Variants in ST6GALNAC3 observed in about 807,000 individuals in gnomAD.
ST6GALNAC3 encodes the protein ST6 N-acetylgalactosaminide alpha-2,6-sialyltransferase 3.
ST6GALNAC3 carries 25 observed loss-of-function variants against 32.7 expected under a neutral mutation model. The ratio of observed to expected loss-of-function variants is 0.76; its 90% CI spans 0.56 to 1.07. The LOEUF is 1.07. Ranked by LOEUF, ST6GALNAC3 falls within the 50% of genes least tolerant of loss-of-function variation. The probability of loss-of-function intolerance (pLI) is 0.00; values close to 1 mark genes in which losing one functional copy is unlikely to be tolerated. For missense variants in ST6GALNAC3, 355 were observed against 382.4 expected, an observed-to-expected ratio of 0.93 and a Z score of 0.60; for synonymous variants, 129 against 133.1, an observed-to-expected ratio of 0.97 and a Z score of 0.21.
intron 3 of ST6GALNAC3, among the ~76,000 whole-genome samples, chr1:76,567,904 A>G (rs1271928506): frequency 6.6e-6 from 1 of 152,212 alleles, no homozygotes; most frequent in Non-Finnish European, 1.5e-5. Flanking sequence ...ATGCATATAT[A>G]TTTGCCCTGA....
chr1:76,229,924 C>T (rs1055814432), intron 1 of ST6GALNAC3, among the ~76,000 whole-genome samples: 33 of 152,166 alleles, frequency 2.2e-4, no homozygotes, highest in Admixed American at 2.2e-3. Flanking sequence ...GATCAATGGC[C>T]AACAGCTTTT....
At chr1:76,141,842 A>G (rs1436925300) in intron 1 of ST6GALNAC3, among the ~76,000 whole-genome samples, 3 of 152,174 alleles carry the variant, frequency 2.0e-5, no homozygotes, top group Admixed American at 6.5e-5. Context: ...CAAGCCACCC[A>G]TTTCTACACT....
intron 3 of ST6GALNAC3, among the ~76,000 whole-genome samples, chr1:76,428,991 G>T (rs1460640295): frequency 4.0e-5 from 6 of 151,340 alleles, no homozygotes; most frequent in Non-Finnish European, 4.4e-5. Flanking sequence ...AAATGAACTG[G>T]AAGTATGAGT....
At chr1:76,186,619 C>T (rs1433258687) in intron 1 of ST6GALNAC3, among the ~76,000 whole-genome samples, 1 of 152,098 alleles carries the variant, frequency 6.6e-6, no homozygotes, top group Non-Finnish European at 1.5e-5. Flanking sequence ...TACAAACCTG[C>T]CATGTATTCT....
intron 3 of ST6GALNAC3, among the ~76,000 whole-genome samples, chr1:76,465,708 A>AT (rs962519446): frequency 1.7e-4 from 25 of 149,304 alleles, no homozygotes; most frequent in East Asian, 1.6e-3. Context: ...AGTATTTTTC[A>AT]TTTTTTTTTT....
At chr1:76,317,566 C>A (rs1646888846) in intron 2 of ST6GALNAC3, among the ~76,000 whole-genome samples, 1 of 152,072 alleles carries the variant, frequency 6.6e-6, no homozygotes, top group South Asian at 2.1e-4. Flanking sequence ...GATCTTGGCC[C>A]TTAAAGTTTT....
intron 3 of ST6GALNAC3, among the ~76,000 whole-genome samples, chr1:76,477,392 A>G (rs1659422931): frequency 6.6e-6 from 1 of 152,180 alleles, no homozygotes; most frequent in African/African-American, 2.4e-5. Context: ...CCAGGCCCTA[A>G]ACAGGTCTTC....
At chr1:76,184,887 A>G (rs1446386656) in intron 1 of ST6GALNAC3, among the ~76,000 whole-genome samples, 1 of 152,194 alleles carries the variant, frequency 6.6e-6, no homozygotes, top group East Asian at 1.9e-4. Context: ...TTTTCTACTC[A>G]TGTTGTCCAG....
At chr1:76,507,538 T>C (rs72989916) in intron 3 of ST6GALNAC3, among the ~76,000 whole-genome samples, 2,272 of 152,288 alleles carry the variant, frequency 0.015, 56 homozygotes, top group African/African-American at 0.051. Context: ...CACTGATAAA[T>C]ATGTGGTCTA....
At chr1:76,421,539 A>G (rs2101377235) in intron 3 of ST6GALNAC3, among the ~76,000 whole-genome samples, 1 of 152,184 alleles carries the variant, frequency 6.6e-6, no homozygotes, top group South Asian at 2.1e-4. Context: ...GGAGGCAAAT[A>G]TAAGCACCAC....
intron 1 of ST6GALNAC3, among the ~76,000 whole-genome samples, chr1:76,097,030 T>C (rs553437650): frequency 6.6e-6 from 1 of 151,552 alleles, no homozygotes; most frequent in African/African-American, 2.4e-5. Flanking sequence ...GCGATTCTCC[T>C]GCCTCAGCCT....
At chr1:76,426,662 AGTT>A (rs576376983) in intron 3 of ST6GALNAC3, among the ~76,000 whole-genome samples, 111 of 152,012 alleles carry the variant, frequency 7.3e-4, no homozygotes, top group African/African-American at 2.6e-3. Context: ...CTAGTAACAT[AGTT>A]GTTTATTATC....
At chr1:76,522,919 A>G (rs913202382) in intron 3 of ST6GALNAC3, among the ~76,000 whole-genome samples, 8 of 152,164 alleles carry the variant, frequency 5.3e-5, no homozygotes, top group Admixed American at 5.2e-4. Context: ...AGCTTCTCGG[A>G]ATCGTTAGCC....
chr1:76,215,556 G>A (rs1463943178), intron 1 of ST6GALNAC3, among the ~76,000 whole-genome samples: 1 of 152,158 alleles, frequency 6.6e-6, no homozygotes, highest in Non-Finnish European at 1.5e-5. Flanking sequence ...AGGTCTTGAC[G>A]ATTTCTGTTC....
At chr1:76,084,651 G>A (rs1413574582) in intron 1 of ST6GALNAC3, among the ~76,000 whole-genome samples, 1 of 152,182 alleles carries the variant, frequency 6.6e-6, no homozygotes, top group Non-Finnish European at 1.5e-5. Context: ...ATTTCTGTGT[G>A]CATAAATTCA....
At chr1:76,415,836 G>A (rs1654582708) in intron 3 of ST6GALNAC3, among the ~76,000 whole-genome samples, 1 of 152,180 alleles carries the variant, frequency 6.6e-6, no homozygotes, top group South Asian at 2.1e-4. Flanking sequence ...GACAGAGGTA[G>A]TATGTAAACA....
rs1570141731 is a variant in ST6GALNAC3, at chr1:76,533,784, A to C, written c.624-93668A>C. Reference sequence around the variant, plus strand: ...TGATAGCAGATGGTTGACATAATCAAATCATGACACATTTTCATCATTGGT... The same window carrying C: ...TGATAGCAGATGGTTGACATAATCACATCATGACACATTTTCATCATTGGT... On this transcript the variant is annotated intron_variant, in intron 3 of 4. Coordinates refer to ENST00000328299, the MANE Select transcript of ST6GALNAC3 (RefSeq NM_152996.4). 2.0e-5 allele frequency among the ~76,000 whole-genome samples: 3 copies of C among 152,322 alleles called. No individual in the cohort carries two copies. The South Asian group carries it at 6.2e-4, about 32-fold the overall frequency.
At position 76,630,550 on chromosome 1, in the gene ST6GALNAC3, A is replaced by G; in HGVS notation, c.*1744A>G. On this transcript the variant is annotated 3_prime_UTR_variant, in exon 5 of 5. Coordinates refer to ENST00000328299, the MANE Select transcript of ST6GALNAC3 (RefSeq NM_152996.4). ...GATTCAAAAGACAAAAGCCAGGCTC[A>G]ACTTATAGAATGTTTTGGAAACTGG... 1 of 985,372 alleles carries G rather than the reference A, an allele frequency of 1.0e-6. No individual in the cohort carries two copies. The highest frequency in any genetic ancestry group is 1.2e-6 in the Non-Finnish European group (1 of 829,848). 61.0% of individuals were successfully genotyped at this position (985,372 alleles called of 1,614,324 possible).
chr1:76,442,803 GT>G (rs1269342606), intron 3 of ST6GALNAC3, among the ~76,000 whole-genome samples: 1 of 152,104 alleles, frequency 6.6e-6, no homozygotes, highest in Non-Finnish European at 1.5e-5. Flanking sequence ...ATCATAATAT[GT>G]ATTTTGTAAT....
Sources: allele counts gnomAD v4.1 joint callset (sites outside exome capture counted in the v4.1 genomes callset), GRCh38; gene constraint gnomAD v4.1.1; transcripts MANE v1.5; gene names NCBI Gene and HGNC (gene_info 2026-07-23, HGNC 2026-07-21).